CCDC91: variants seen among roughly 807,000 people sequenced by gnomAD.
CCDC91 encodes the protein coiled-coil domain-containing protein 91.
CCDC91 carries 48 observed loss-of-function variants against 63.2 expected under a neutral mutation model. The observed-to-expected ratio is 0.76, with a 90% CI of 0.60 to 0.97. The LOEUF is 0.97. CCDC91 is among the 50% of genes least tolerant of loss of function. CCDC91 has a pLI of 0.00. For missense variants in CCDC91, 500 were observed against 494.6 expected, an observed-to-expected ratio of 1.01 and a Z score of -0.10; for synonymous variants, 167 against 165.8, an observed-to-expected ratio of 1.01 and a Z score of -0.06.
At chr12:28,210,433 T>G (rs544471695) in intron 1 of CCDC91, among the ~76,000 whole-genome samples, 2 of 152,312 alleles carry the variant, frequency 1.3e-5, no homozygotes, top group African/African-American at 4.8e-5. Flanking sequence ...ACAACACATA[T>G]ATAACTGCAC....
chr12:28,296,011 C>T (rs1443558932), intron 3 of CCDC91, among the ~76,000 whole-genome samples: 1 of 151,722 alleles, frequency 6.6e-6, no homozygotes, highest in Non-Finnish European at 1.5e-5. Flanking sequence ...ACTGTTTAGA[C>T]TCCTTATATC....
intron 12 of CCDC91, among the ~76,000 whole-genome samples, chr12:28,518,507 T>G (rs892906606): frequency 1.3e-5 from 2 of 152,090 alleles, no homozygotes; most frequent in Admixed American, 1.3e-4. Context: ...TTCTTTGTTT[T>G]TTTCTTACTA....
intron 6 of CCDC91, among the ~76,000 whole-genome samples, chr12:28,352,305 T>G (rs1168620560): frequency 6.6e-6 from 1 of 152,204 alleles, no homozygotes; most frequent in Non-Finnish European, 1.5e-5. Context: ...GAAACTATAA[T>G]GAAGTTTGCT....
At chr12:28,443,349 A>G (rs1403469197) in intron 8 of CCDC91, among the ~76,000 whole-genome samples, 2 of 152,056 alleles carry the variant, frequency 1.3e-5, no homozygotes, top group Non-Finnish European at 2.9e-5. Flanking sequence ...GCTTTAAACT[A>G]ATATTTCAAC....
intron 12 of CCDC91, among the ~76,000 whole-genome samples, chr12:28,503,956 G>A (rs909681891): frequency 1.3e-5 from 2 of 151,662 alleles, no homozygotes; most frequent in African/African-American, 4.8e-5. Flanking sequence ...AAGGGGGGAG[G>A]GATAGCATTC....
chr12:28,299,799 G>A (rs183896269), intron 3 of CCDC91, among the ~76,000 whole-genome samples: 17 of 151,364 alleles, frequency 1.1e-4, no homozygotes, highest in African/African-American at 3.6e-4. Context: ...TTGGTAAATC[G>A]TTCACATCTT....
At chr12:28,216,578 T>G (rs1308694479) in intron 1 of CCDC91, among the ~76,000 whole-genome samples, 2 of 152,014 alleles carry the variant, frequency 1.3e-5, no homozygotes, top group African/African-American at 4.8e-5. Context: ...ATTGGTTTTG[T>G]ATGTAGAGAA....
intron 1 of CCDC91, among the ~76,000 whole-genome samples, chr12:28,207,026 C>T (rs1290267601): frequency 1.3e-5 from 2 of 152,300 alleles, no homozygotes; most frequent in Non-Finnish European, 2.9e-5. Flanking sequence ...CATCTTTTAT[C>T]TCTCAAAGTG....
intron 6 of CCDC91, among the ~76,000 whole-genome samples, chr12:28,336,163 C>T (rs1179763556): frequency 6.6e-6 from 1 of 151,890 alleles, no homozygotes; most frequent in Non-Finnish European, 1.5e-5. Flanking sequence ...CTCCTAGTCA[C>T]CAGGGCCCTA....
At chr12:28,459,225 C>T (rs1177105270) in intron 11 of CCDC91, among the ~76,000 whole-genome samples, 1 of 152,024 alleles carries the variant, frequency 6.6e-6, no homozygotes, top group Non-Finnish European at 1.5e-5. Context: ...CTTTTATTTC[C>T]TCCCTGCAGA....
intron 1 of CCDC91, among the ~76,000 whole-genome samples, chr12:28,214,835 T>C (rs1943465197): frequency 6.6e-6 from 1 of 152,180 alleles, no homozygotes; most frequent in South Asian, 2.1e-4. Flanking sequence ...TGTTATTTTC[T>C]TTATTTGGAG....
chr12:28,517,794 C>A (rs1940117582), intron 12 of CCDC91, among the ~76,000 whole-genome samples: 2 of 151,764 alleles, frequency 1.3e-5, no homozygotes, highest in South Asian at 2.1e-4. Context: ...CCTTCCCACC[C>A]TTTCCCCCTG....
At chr12:28,374,857 C>A (rs1944846376) in intron 7 of CCDC91, among the ~76,000 whole-genome samples, 2 of 152,038 alleles carry the variant, frequency 1.3e-5, no homozygotes, top group African/African-American at 2.4e-5. Flanking sequence ...AAATCTGTAA[C>A]CCAATCCATG....
intron 7 of CCDC91, among the ~76,000 whole-genome samples, chr12:28,364,923 A>G (rs1179348814): frequency 6.6e-6 from 1 of 152,114 alleles, no homozygotes; most frequent in Admixed American, 6.5e-5. Context: ...ATTTTACATG[A>G]TATCCAGTAT....
Position 28,416,525 on chromosome 12 carries a change from T to C in CCDC91, c.762+25114T>C, listed in dbSNP as rs554655849. ...ATCGGCAAGGACAGGTGGGAGTGGG[T>C]GGGTGGATGGAAAATTACTGAAAGG... On this transcript the variant is annotated intron_variant, in intron 8 of 12. Coordinates refer to ENST00000536442, the MANE Select transcript of CCDC91 (RefSeq NM_018318.5). 7.2e-5 allele frequency among the ~76,000 whole-genome samples: 11 copies of C among 151,766 alleles called. No individual in the cohort carries two copies. In the South Asian group the frequency reaches 2.3e-3, roughly 32 times the overall value.
intron 11 of CCDC91, among the ~76,000 whole-genome samples, chr12:28,473,769 A>G (rs572790069): frequency 7.2e-4 from 110 of 152,238 alleles, no homozygotes; most frequent in African/African-American, 2.4e-3. Flanking sequence ...TGATTTTGCA[A>G]CCGATGCCGT....
intron 1 of CCDC91, among the ~76,000 whole-genome samples, chr12:28,238,908 T>C (rs1945143591): frequency 6.6e-6 from 1 of 151,932 alleles, no homozygotes; most frequent in Non-Finnish European, 1.5e-5. Context: ...TCACCTGAGG[T>C]CAGAAGTTCG....
intron 1 of CCDC91, among the ~76,000 whole-genome samples, chr12:28,198,589 A>T (rs566214009): frequency 9.9e-5 from 15 of 152,184 alleles, no homozygotes; most frequent in Non-Finnish European, 2.9e-5. Flanking sequence ...CCTATTTTCC[A>T]TTTTGCTGAA....
At chr12:28,538,547 A>C (rs1018076267) in intron 12 of CCDC91, among the ~76,000 whole-genome samples, 1 of 152,052 alleles carries the variant, frequency 6.6e-6, no homozygotes, top group African/African-American at 2.4e-5. Context: ...TGCTATTGTG[A>C]ATAGTGCCAC....
Sources: gnomAD v4.1 joint callset for allele counts (sites outside exome capture counted in the v4.1 genomes callset) on GRCh38, gnomAD v4.1.1 for gene constraint, MANE v1.5 for transcripts, NCBI Gene and HGNC (gene_info 2026-07-23, HGNC 2026-07-21) for gene names.